ZNF787: variants seen among roughly 807,000 people sequenced by gnomAD.
The protein encoded by ZNF787 is zinc finger protein 787.
Under a neutral mutation model 16.9 loss-of-function variants are expected in ZNF787, and 7 were observed. The ratio of observed to expected loss-of-function variants is 0.42; its 90% CI spans 0.24 to 0.78. The LOEUF is 0.78. Ranked by LOEUF, ZNF787 falls within the 30% of genes least tolerant of loss-of-function variation. ZNF787 has a pLI of 0.30. For missense variants in ZNF787, 551 were observed against 589.3 expected (o/e 0.94, Z 0.67); for synonymous variants, 345 against 270.9 (o/e 1.27, Z -2.69).
At chr19:56,098,299 A>C (rs1985946238) in intron 2 of ZNF787, among the ~76,000 whole-genome samples, 1 of 152,192 alleles carries the variant, frequency 6.6e-6, no homozygotes, top group African/African-American at 2.4e-5. Flanking sequence ...ATTCCTCTGG[A>C]TCGTGGGGAC....
intron 1 of ZNF787, among the ~76,000 whole-genome samples, chr19:56,119,539 A>G (rs1189684531): frequency 7.9e-5 from 12 of 152,020 alleles, no homozygotes; most frequent in Non-Finnish European, 1.6e-4. Context: ...TATTATTACC[A>G]CTCCCACTCT....
intron 2 of ZNF787, among the ~76,000 whole-genome samples, chr19:56,094,085 A>G (rs642776): frequency 0.95 from 144,581 of 152,194 alleles, 69,303 homozygotes; most frequent in African/African-American, 0.99. Flanking sequence ...GTGCAGTGAC[A>G]TGATCTCGGC....
chr19:56,088,227 C>T lies in ZNF787; in HGVS notation c.945G>A (p.Pro315=). The change falls in exon 3 of 3, where the codon CCG becomes CCA. Residue 315 remains proline, a synonymous_variant. Coordinates refer to ENST00000610935, the MANE Select transcript of ZNF787 (RefSeq NM_001002836.4). The surrounding 1 kb of genome is among the most constrained non-coding windows in gnomAD (Gnocchi z 8.6). ...DGLGAAGGEE[P]AHICVECGEG... is the part of the protein sequence containing the mutation. Reference sequence around the variant, plus strand: ...CCCCGCACTCCACGCAGATGTGGGCCGGCTCCTCGCCCCCCGCCGCCCCGA... The same window carrying T: ...CCCCGCACTCCACGCAGATGTGGGCTGGCTCCTCGCCCCCCGCCGCCCCGA... 6.7e-7 allele frequency: 1 copy of T among 1,500,736 alleles called. No homozygotes were observed. The allele number at this position is 1,500,736 out of a possible 1,614,324, so 93.0% of individuals were successfully genotyped here. A position where few individuals can be genotyped will look rare whatever the true frequency, so the allele number is the denominator to read the frequency against.
At chr19:56,102,670 C>A in intron 2 of ZNF787, 1 of 549,858 alleles carries the variant, frequency 1.8e-6, no homozygotes, top group East Asian at 2.9e-5. Context: ...TCCCTGCACT[C>A]CTGAGCTTTC....
At chr19:56,102,633 C>A in intron 2 of ZNF787, 1 of 469,884 alleles carries the variant, frequency 2.1e-6, no homozygotes, top group Non-Finnish European at 3.7e-6. Context: ...ACAACTTTCC[C>A]TGAAAAGTCT....
chr19:56,109,291 C>G (rs1324577437), intron 1 of ZNF787, among the ~76,000 whole-genome samples: 2 of 152,092 alleles, frequency 1.3e-5, no homozygotes, highest in African/African-American at 4.8e-5. Context: ...AACAGGCCAC[C>G]CCAGTGCAGC....
chr19:56,088,226 C>A lies in ZNF787; in HGVS notation c.946G>T (p.Ala316Ser). ...TCCCCGCACTCCACGCAGATGTGGG[C>A]CGGCTCCTCGCCCCCCGCCGCCCCG... is the stretch of plus-strand genomic sequence containing the variant. ...GLGAAGGEEP[A>S]HICVECGEGF... is the part of the protein sequence containing the mutation. The change falls in exon 3 of 3, where the codon GCC (alanine) becomes TCC (serine). Residue 316 changes from alanine to serine, a missense_variant. Physicochemically the swap from Ala to Ser is moderately conservative, Grantham distance 99 (BLOSUM62 1). Around this residue, in one of 4 missense-constraint regions of ZNF787, gnomAD observed 392 missense variants for 312.7 expected, o/e 1.25. Transcript: ENST00000610935. This position sits in a 1 kb window ranked among gnomAD's most constrained non-coding sequence, Gnocchi z 8.6. 1 of 1,502,958 alleles carries A rather than the reference C, an allele frequency of 6.7e-7. No homozygotes were observed. The highest frequency in any genetic ancestry group is 8.8e-7 in the Non-Finnish European group (1 of 1,131,716). The allele number at this position is 1,502,958 out of a possible 1,614,324, so 93.1% of individuals were successfully genotyped here.
intron 1 of ZNF787, chr19:56,103,622 T>G: frequency 5.2e-6 from 1 of 194,052 alleles, no homozygotes; most frequent in Non-Finnish European, 1.0e-5. Flanking sequence ...GTACATGTGG[T>G]GCTCATGCCA....
chr19:56,089,933 C>T (rs539027377), intron 2 of ZNF787, among the ~76,000 whole-genome samples: 14 of 152,266 alleles, frequency 9.2e-5, no homozygotes, highest in East Asian at 1.9e-4. Flanking sequence ...GAGAAGGGTC[C>T]GTGTGCAGCT....
intron 2 of ZNF787, among the ~76,000 whole-genome samples, chr19:56,099,890 G>A (rs376439134): frequency 5.3e-5 from 8 of 151,960 alleles, no homozygotes; most frequent in South Asian, 2.1e-4. Context: ...GCGGATTCTC[G>A]CTCCCGTCAA....
intron 2 of ZNF787, among the ~76,000 whole-genome samples, chr19:56,098,078 G>A (rs1383323968): frequency 6.6e-6 from 1 of 152,100 alleles, no homozygotes; most frequent in Admixed American, 6.5e-5. Flanking sequence ...CCATGGGCCT[G>A]GGTGAAGGAG....
At chr19:56,095,977 T>G (rs1985852140) in intron 2 of ZNF787, among the ~76,000 whole-genome samples, 1 of 152,182 alleles carries the variant, frequency 6.6e-6, no homozygotes, top group Non-Finnish European at 1.5e-5. Context: ...ACTTAGGACC[T>G]AGTAACTTTG....
rs1985455763 is a variant in ZNF787, at chr19:56,088,824, G to A, written c.348C>T (p.His116=). 1 of 1,611,986 alleles carries A rather than the reference G, an allele frequency of 6.2e-7. No homozygotes were observed. The highest frequency in any genetic ancestry group is 8.5e-7 in the Non-Finnish European group (1 of 1,179,144). The change falls in exon 3 of 3, where the codon CAC becomes CAT. Residue 116 remains histidine (H), a synonymous_variant. Transcript: ENST00000610935. The surrounding 1 kb of genome is among the most constrained non-coding windows in gnomAD (Gnocchi z 8.6). ...AGCAGGCGTAGGGCTTCTCGCCCGT[G>A]TGGATGCGCCGGTGCTGCACCAGGT... The part of the protein sequence containing the change: ...SSHLVQHRRI[H]TGEKPYACLE...
intron 2 of ZNF787, among the ~76,000 whole-genome samples, chr19:56,089,343 A>T (rs899382449): frequency 6.6e-6 from 1 of 152,128 alleles, no homozygotes; most frequent in Admixed American, 6.5e-5. Context: ...CCAGACACAG[A>T]AGGCCTGGTC....
At chr19:56,109,769 A>G (rs2123422403) in intron 1 of ZNF787, among the ~76,000 whole-genome samples, 1 of 152,326 alleles carries the variant, frequency 6.6e-6, no homozygotes, top group East Asian at 1.9e-4. Flanking sequence ...CTGTAGTCCC[A>G]GCTACTCGGG....
chr19:56,099,770 GGAA>G (rs2123404639), intron 2 of ZNF787, among the ~76,000 whole-genome samples: 1 of 151,798 alleles, frequency 6.6e-6, no homozygotes, highest in East Asian at 1.9e-4. Context: ...CACCCTCTGG[GGAA>G]GAAAACTGCA....
chr19:56,102,119 C>T (rs1399689334), intron 2 of ZNF787: 1 of 152,244 alleles, frequency 6.6e-6, no homozygotes, highest in East Asian at 1.9e-4. Context: ...TTTACAAAAT[C>T]GATCCCAAAC....
In ZNF787 at chr19:56,088,425, C is replaced by T. The variant is rs12978636; in HGVS notation, c.747G>A (p.Pro249=). The change falls in exon 3 of 3, where the codon CCG becomes CCA. Residue 249 remains proline (P), a synonymous_variant. Transcript: ENST00000610935. This position sits in a 1 kb window ranked among gnomAD's most constrained non-coding sequence, Gnocchi z 8.6. ...DGEGIIVVGA[P]GEGAAAAAAM... is the part of the protein sequence containing the mutation. ...CTGCCGCGGCCGCGGCCCCCTCGCC[C>T]GGCGCGCCCACCACGATGATGCCCT... is the stretch of plus-strand genomic sequence containing the variant. 1.3e-4 allele frequency: 150 copies of T among 1,168,862 alleles called. No individual in the cohort carries two copies. In the African/African-American group the frequency reaches 2.0e-3, roughly 16 times the overall value. The allele number at this position is 1,168,862 out of a possible 1,614,324, so 72.4% of individuals were successfully genotyped here.
At chr19:56,120,107 G>C (rs1388230869) in intron 1 of ZNF787, among the ~76,000 whole-genome samples, 7 of 152,174 alleles carry the variant, frequency 4.6e-5, no homozygotes, top group Admixed American at 4.6e-4. Context: ...CTTGGATGGC[G>C]ACTCTGTCGC....
Sources: gnomAD v4.1 joint callset for allele counts (sites outside exome capture counted in the v4.1 genomes callset) on GRCh38, gnomAD v4.1.1 for gene constraint, gnomAD v4.1.1 regional missense constraint, Gnocchi (gnomAD v3.1) non-coding constraint, MANE v1.5 for transcripts, NCBI Gene and HGNC (gene_info 2026-07-23, HGNC 2026-07-21) for gene names.